ADAMTS17: variants seen among roughly 807,000 people sequenced by gnomAD.
ADAMTS17 encodes the protein ADAM metallopeptidase with thrombospondin type 1 motif 17.
In ADAMTS17, 113 loss-of-function variants were observed where a neutral mutation model predicts 141.5. That is an observed-to-expected ratio of 0.80 (90% CI 0.69 to 0.93). ADAMTS17 has a LOEUF of 0.93. ADAMTS17 is among the 40% of genes least tolerant of loss of function. The probability of loss-of-function intolerance (pLI) is 0.00; values close to 1 mark genes in which losing one functional copy is unlikely to be tolerated. For synonymous variants in ADAMTS17, 768 were observed against 630.6 expected (o/e 1.22, Z -3.27); for missense variants, 1,659 against 1,517.9 (o/e 1.09, Z -1.54).
chr15:100,119,453 C>T (rs565642051), intron 12 of ADAMTS17, among the ~76,000 whole-genome samples: 2 of 151,664 alleles, frequency 1.3e-5, no homozygotes, highest in Non-Finnish European at 3.0e-5. Flanking sequence ...ACCTTTCCTA[C>T]ACACTTGAGT....
At chr15:100,337,063 C>A (rs111967694) in intron 2 of ADAMTS17, among the ~76,000 whole-genome samples, 4,425 of 152,248 alleles carry the variant, frequency 0.029, 194 homozygotes, top group East Asian at 0.1. Context: ...TTAGTAGAGA[C>A]GAGGTTTCAC....
chr15:100,143,719 A>T (rs1388849483), intron 10 of ADAMTS17, among the ~76,000 whole-genome samples: 3 of 152,238 alleles, frequency 2.0e-5, no homozygotes, highest in Non-Finnish European at 4.4e-5. Flanking sequence ...CTAAGAATTA[A>T]TATGGACTGT....
chr15:100,113,917 T>C (rs1305327469), intron 13 of ADAMTS17, among the ~76,000 whole-genome samples: 1 of 152,194 alleles, frequency 6.6e-6, no homozygotes, highest in East Asian at 1.9e-4. Context: ...AGTGGGCCCA[T>C]GGCCTGCTGG....
chr15:100,012,008 A>G (rs1478978537), intron 18 of ADAMTS17, among the ~76,000 whole-genome samples: 3 of 152,226 alleles, frequency 2.0e-5, no homozygotes, highest in Non-Finnish European at 4.4e-5. Flanking sequence ...CAGTCCCATC[A>G]GCAGTGTAGA....
At chr15:100,236,183 T>TA (rs1313381991) in intron 7 of ADAMTS17, among the ~76,000 whole-genome samples, 8 of 148,542 alleles carry the variant, frequency 5.4e-5, no homozygotes, top group South Asian at 2.1e-4. Context: ...CTGCTTTTTG[T>TA]AAAAAAAGTA....
intron 4 of ADAMTS17, among the ~76,000 whole-genome samples, chr15:100,276,714 C>T (rs12914801): frequency 0.11 from 17,187 of 152,088 alleles, 1,045 homozygotes; most frequent in Non-Finnish European, 0.14. Flanking sequence ...CAGATGGGCT[C>T]GCTGGCATCA....
rs113718553 is a variant in ADAMTS17, at chr15:100,235,469, G to C, written c.1075+18667C>G. ...TGTCATCCATGCCCTCCTGTCTCAG[G>C]TGCTGCCCACCAAGACTCAGATCAG... On this transcript the variant is annotated intron_variant, in intron 7 of 21. Coordinates refer to ENST00000268070, the MANE Select transcript of ADAMTS17 (RefSeq NM_139057.4). Among the ~76,000 whole-genome samples the C allele has an allele frequency of 2.3e-3, 355 of 152,150 alleles. 4 individuals carry two copies. In the South Asian group the frequency reaches 0.055, roughly 24 times the overall value.
chr15:100,081,826 A>T (rs1378438617), intron 15 of ADAMTS17, among the ~76,000 whole-genome samples: 1 of 152,248 alleles, frequency 6.6e-6, no homozygotes, highest in Non-Finnish European at 1.5e-5. Flanking sequence ...AACAAGGCTC[A>T]GCGTCCTATA....
In ADAMTS17 at chr15:100,195,131, G is replaced by A. The variant is rs141799740; in HGVS notation, c.1181+4187C>T. On this transcript the variant is annotated intron_variant, in intron 8 of 21. Coordinates refer to ENST00000268070, the MANE Select transcript of ADAMTS17 (RefSeq NM_139057.4). Reference sequence around the variant, plus strand: ...CGGGCAAGAAGACAACCAAGGGCACGGGTGTACATTTAGGAGCCTCCAGGC... The same window carrying A: ...CGGGCAAGAAGACAACCAAGGGCACAGGTGTACATTTAGGAGCCTCCAGGC... Among the ~76,000 whole-genome samples, 270 of 152,340 alleles carry A rather than the reference G, an allele frequency of 1.8e-3. 2 individuals carry two copies. The highest frequency in any genetic ancestry group is 6.2e-3 in the African/African-American group (257 of 41,592).
intron 12 of ADAMTS17, among the ~76,000 whole-genome samples, chr15:100,118,615 T>C (rs1417329399): frequency 6.6e-6 from 1 of 152,098 alleles, no homozygotes; most frequent in Non-Finnish European, 1.5e-5. Flanking sequence ...CTGCATGGTG[T>C]GTTTAGGCAG....
chr15:100,338,542 G>A (rs1350095127), intron 2 of ADAMTS17, among the ~76,000 whole-genome samples: 1 of 152,216 alleles, frequency 6.6e-6, no homozygotes, highest in African/African-American at 2.4e-5. Flanking sequence ...CACACTGAAA[G>A]GGCAGCTTTG....
At chr15:100,106,526 A>G (rs1030943023) in intron 14 of ADAMTS17, among the ~76,000 whole-genome samples, 4 of 152,354 alleles carry the variant, frequency 2.6e-5, no homozygotes, top group Admixed American at 2.6e-4. Context: ...AACCAAGATC[A>G]TGGATGGAGC....
chr15:100,259,920 C>T (rs2043457292), intron 6 of ADAMTS17, among the ~76,000 whole-genome samples: 1 of 152,230 alleles, frequency 6.6e-6, no homozygotes, highest in Non-Finnish European at 1.5e-5. Flanking sequence ...TCTCAGTTCA[C>T]TGTAACCTCT....
At chr15:100,116,063 C>A (rs1596474519) in intron 13 of ADAMTS17, among the ~76,000 whole-genome samples, 1 of 144,868 alleles carries the variant, frequency 6.9e-6, no homozygotes, top group Admixed American at 7.1e-5. Flanking sequence ...ACATGACATA[C>A]CGATAAACGG....
At chr15:100,259,886 C>T (rs2043456205) in intron 6 of ADAMTS17, among the ~76,000 whole-genome samples, 2 of 152,106 alleles carry the variant, frequency 1.3e-5, no homozygotes, top group African/African-American at 4.8e-5. Context: ...CTCTTGTCAC[C>T]CAGGCTGGAG....
At chr15:100,079,444 A>C (rs2034589122) in intron 15 of ADAMTS17, among the ~76,000 whole-genome samples, 1 of 152,230 alleles carries the variant, frequency 6.6e-6, no homozygotes, top group African/African-American at 2.4e-5. Flanking sequence ...GCCTGTCAGG[A>C]AGGACCACGT....
intron 3 of ADAMTS17, among the ~76,000 whole-genome samples, chr15:100,304,731 G>A (rs11247182): frequency 0.65 from 98,338 of 152,014 alleles, 33,166 homozygotes; most frequent in African/African-American, 0.84. Context: ...GTGCATTTTG[G>A]TCTGCTGTAG....
At chr15:99,990,156 C>T (rs988081488) in intron 20 of ADAMTS17, among the ~76,000 whole-genome samples, 1 of 152,200 alleles carries the variant, frequency 6.6e-6, no homozygotes, top group East Asian at 1.9e-4. Context: ...CCGCCTCAGC[C>T]TCCTAAGGAG....
intron 15 of ADAMTS17, among the ~76,000 whole-genome samples, chr15:100,071,138 C>G (rs184654971): frequency 6.0e-5 from 9 of 150,578 alleles, no homozygotes; most frequent in Non-Finnish European, 1.2e-4. Context: ...ACTAGAAAAT[C>G]TAGAAGAAAT....
Sources: allele counts gnomAD v4.1 joint callset (sites outside exome capture counted in the v4.1 genomes callset), GRCh38; gene constraint gnomAD v4.1.1; transcripts MANE v1.5; gene names NCBI Gene and HGNC (gene_info 2026-07-23, HGNC 2026-07-21).